The following STKLD1 variants were observed in gnomAD, a reference collection of about 807,000 sequenced individuals.
STKLD1 encodes the protein serine/threonine kinase like domain containing 1.
A neutral mutation model predicts 80.4 loss-of-function variants in STKLD1; 79 were observed. The ratio of observed to expected loss-of-function variants is 0.98; its 90% CI spans 0.82 to 1.19. The LOEUF (loss-of-function observed/expected upper bound fraction) is 1.19. STKLD1 is among the 50% of genes most tolerant of loss of function. The probability of loss-of-function intolerance (pLI) is 0.00; values close to 1 mark genes in which losing one functional copy is unlikely to be tolerated. For synonymous variants in STKLD1, 393 were observed against 357.6 expected (o/e 1.10, Z -1.12); for missense variants, 841 against 856.0 (o/e 0.98, Z 0.22).
intron 14 of STKLD1, 51 bp downstream of exon 14, chr9:133,403,063 G>A (rs1564385393): frequency 5.3e-6 from 8 of 1,520,980 alleles, no homozygotes; most frequent in East Asian, 2.5e-5. Flanking sequence ...CCCTCCCCCA[G>A]CCCCTCCCTA....
intron 9 of STKLD1, among the ~76,000 whole-genome samples, chr9:133,396,519 T>C (rs1412513687): frequency 6.6e-6 from 1 of 151,998 alleles, no homozygotes; most frequent in African/African-American, 2.4e-5. Flanking sequence ...TTTGGGAGGC[T>C]GAGGTGGGTG....
intron 2 of STKLD1, among the ~76,000 whole-genome samples, chr9:133,382,759 T>G (rs1838169581): frequency 1.4e-5 from 2 of 144,714 alleles, no homozygotes; most frequent in Non-Finnish European, 3.0e-5. Context: ...ATGATGGTAA[T>G]GATGGTGATG....
At chr9:133,386,671 G>A (rs2130277942) in intron 4 of STKLD1, among the ~76,000 whole-genome samples, 53 of 152,386 alleles carry the variant, frequency 3.5e-4, no homozygotes, top group African/African-American at 1.3e-3. Context: ...CAGCAGCCGG[G>A]TCCTGTAGGC....
rs1837956236 is a variant in STKLD1, at chr9:133,376,501, C to T, written c.28C>T (p.Arg10Cys). ...GCTTGGGCCAGGGTCCAATCGCAGG[C>T]GCCCCACGCAGGGGGAGCGAGGCCC... MLGPGSNRRRPTQGERGPGS... is the reference protein window; with the variant it reads MLGPGSNRRCPTQGERGPGS... Residue 10 changes from arginine to cysteine, a missense_variant, in exon 1 of 18, where the codon CGC (arginine) becomes TGC (cysteine). Physicochemically the swap from Arg to Cys is radical, Grantham distance 180. Coordinates refer to ENST00000371957, the MANE Select transcript of STKLD1 (RefSeq NM_153710.5). 6.3e-7 allele frequency: 1 copy of T among 1,597,438 alleles called. No individual in the cohort carries two copies. The highest frequency in any genetic ancestry group is 8.5e-7 in the Non-Finnish European group (1 of 1,173,854).
rs2130285859 is a variant in STKLD1, at chr9:133,390,194, A to AACACACAC, written c.468-436_468-429dup. On this transcript the variant is annotated intron_variant, in intron 6 of 17. Coordinates refer to ENST00000371957, the MANE Select transcript of STKLD1 (RefSeq NM_153710.5). This position sits in a 1 kb window ranked among gnomAD's most constrained non-coding sequence, Gnocchi z 5.1. ...TTCAGCCTGGGCAACCCTGACTTAAAACACACACACACACACACACACACA... is the reference window on the plus strand; with the variant it reads ...TTCAGCCTGGGCAACCCTGACTTAAAACACACACACACACACACACACACACACACACA... 5.7e-5 allele frequency among the ~76,000 whole-genome samples: 7 copies of AACACACAC among 123,478 alleles called. No individual in the cohort carries two copies. Among genetic ancestry groups the AACACACAC allele is most frequent in the Admixed American group, 1.6e-4 (2 of 12,168 alleles). 81.0% of individuals were successfully genotyped at this position (123,478 alleles called of 152,430 possible). A position where few individuals can be genotyped will look rare whatever the true frequency, so the allele number is the denominator to read the frequency against.
intron 2 of STKLD1, among the ~76,000 whole-genome samples, chr9:133,383,470 ATGG>A (rs1838197424): frequency 1.6e-5 from 1 of 64,346 alleles, no homozygotes; most frequent in Non-Finnish European, 3.7e-5. Context: ...GATGGTGGTA[ATGG>A]TGGTGGTGTG....
intron 4 of STKLD1, among the ~76,000 whole-genome samples, 173 bp from the exon 5 acceptor site, chr9:133,387,274 G>A (rs1838284673): frequency 1.3e-5 from 2 of 152,168 alleles, no homozygotes. Context: ...ATGGGGAGAG[G>A]AGAGAGAGGA....
chr9:133,400,331 C>G, intron 11 of STKLD1, 82 bp from the exon 12 acceptor site: 6 of 1,006,974 alleles, frequency 6.0e-6, no homozygotes, highest in Non-Finnish European at 9.3e-6. Context: ...AGGCTCCTAC[C>G]AGCCTCTGGG....
intron 8 of STKLD1, among the ~76,000 whole-genome samples, chr9:133,395,384 C>T (rs1005364249): frequency 2.6e-5 from 4 of 152,158 alleles, no homozygotes; most frequent in Non-Finnish European, 4.4e-5. Flanking sequence ...GACTCCACCC[C>T]GGGAGACAAC....
chr9:133,398,114 C>A, intron 11 of STKLD1, 59 bp downstream of exon 11: 1 of 1,538,386 alleles, frequency 6.5e-7, no homozygotes, highest in Non-Finnish European at 8.9e-7. Context: ...AGCTATGGTC[C>A]GGCCTGTGGG....
At position 133,405,343 on chromosome 9, in the gene STKLD1, C is replaced by T. The variant is rs782444056; in HGVS notation, c.1965C>T (p.Ser655=). Residue 655 remains serine (S), a synonymous_variant, in exon 18 of 18, where the codon AGC becomes AGT. Coordinates refer to ENST00000371957, the MANE Select transcript of STKLD1 (RefSeq NM_153710.5). ...ERFTSSLVSD[S]SAFSKPGLPP... Reference sequence around the variant, plus strand: ...TCACCTCCAGCCTGGTGAGTGACAGCAGCGCCTTCAGCAAACCAGGCCTCC... The same window carrying T: ...TCACCTCCAGCCTGGTGAGTGACAGTAGCGCCTTCAGCAAACCAGGCCTCC... The T allele has an allele frequency of 6.2e-7, 1 of 1,612,752 alleles. No individual in the cohort carries two copies. The highest frequency in any genetic ancestry group is 8.5e-7 in the Non-Finnish European group (1 of 1,179,920).
intron 2 of STKLD1, among the ~76,000 whole-genome samples, chr9:133,381,131 CTTTTTT>C (rs35031853): frequency 8.7e-5 from 6 of 69,164 alleles, no homozygotes; most frequent in African/African-American, 3.7e-4. Context: ...TACGATGTAA[CTTTTTT>C]TTTTTTTTTT....
intron 13 of STKLD1, 34 bp downstream of exon 13, chr9:133,401,912 G>A (rs1166237471): frequency 1.2e-6 from 2 of 1,608,486 alleles, no homozygotes; most frequent in East Asian, 2.2e-5. Context: ...CCCCACCCAC[G>A]CTCCAGGACA....
At position 133,380,719 on chromosome 9, in the gene STKLD1, G is replaced by C. The variant is rs2130264272; in HGVS notation, c.174+1597G>C. On this transcript the variant is annotated intron_variant, in intron 2 of 17. Transcript: ENST00000371957. Reference sequence around the variant, plus strand: ...CCCAATTATTTCTAAATAAAAATTGGGGAAAGAGAGTGTAGGTAGGAGTTT... The same window carrying C: ...CCCAATTATTTCTAAATAAAAATTGCGGAAAGAGAGTGTAGGTAGGAGTTT... 6.6e-5 allele frequency among the ~76,000 whole-genome samples: 10 copies of C among 152,102 alleles called. No homozygotes were observed. The East Asian group carries it at 1.9e-3, about 29-fold the overall frequency.
chr9:133,393,275 G>A (rs1379970358), intron 7 of STKLD1, among the ~76,000 whole-genome samples: 2 of 140,294 alleles, frequency 1.4e-5, no homozygotes, highest in Non-Finnish European at 3.1e-5. Context: ...TGGGTGGGCG[G>A]GTGGATGGAT....
At chr9:133,383,161 GTGA>G (rs1439616137) in intron 2 of STKLD1, among the ~76,000 whole-genome samples, 4 of 147,348 alleles carry the variant, frequency 2.7e-5, no homozygotes, top group Admixed American at 6.8e-5. Context: ...TTTGATGATG[GTGA>G]TGATTGTGTG....
At chr9:133,379,152 C>T (rs2130259828) in intron 2 of STKLD1, 30 bp downstream of exon 2, 28 of 1,590,894 alleles carry the variant, frequency 1.8e-5, no homozygotes, top group African/African-American at 2.7e-5. Context: ...CATCCCATGC[C>T]GGGTGGTTCT....
intron 12 of STKLD1, among the ~76,000 whole-genome samples, chr9:133,400,858 C>T (rs1055085184): frequency 6.6e-6 from 1 of 152,226 alleles, no homozygotes. Flanking sequence ...CCCACCCAGG[C>T]CTGCCTTTTG....
intron 7 of STKLD1, among the ~76,000 whole-genome samples, chr9:133,391,423 A>G (rs11507292): frequency 0.1 from 15,166 of 147,754 alleles, 920 homozygotes; most frequent in African/African-American, 0.2. Flanking sequence ...GGAATAGAAA[A>G]GGGGGAAAGG....
Sources: gnomAD v4.1 joint callset for allele counts (sites outside exome capture counted in the v4.1 genomes callset) on GRCh38, gnomAD v4.1.1 for gene constraint, Gnocchi (gnomAD v3.1) non-coding constraint, MANE v1.5 for transcripts, NCBI Gene and HGNC (gene_info 2026-07-23, HGNC 2026-07-21) for gene names.